Variants in EMB observed in about 807,000 individuals in gnomAD.
The protein encoded by EMB is embigin homolog.
A neutral mutation model predicts 41.4 loss-of-function variants in EMB; 31 were observed. That is an observed-to-expected ratio of 0.75 (90% confidence interval 0.56 to 1.01). The LOEUF (loss-of-function observed/expected upper bound fraction) is 1.01, where lower values mean the gene tolerates loss of function less well. Among genes scored for constraint, EMB ranks in the 50% least tolerant of loss-of-function variants. The probability of loss-of-function intolerance (pLI) is 0.00; values close to 1 mark genes in which losing one functional copy is unlikely to be tolerated. For synonymous variants in EMB, 137 were observed against 140.4 expected, an observed-to-expected ratio of 0.98 and a Z score of 0.17; for missense variants, 379 against 388.3, an observed-to-expected ratio of 0.98 and a Z score of 0.20.
chr5:50,435,491 A>C (rs764538892), intron 1 of EMB, among the ~76,000 whole-genome samples: 1 of 152,100 alleles, frequency 6.6e-6, no homozygotes, highest in Non-Finnish European at 1.5e-5. Flanking sequence ...ACTTTTCCAT[A>C]ACCTTGACAC....
intron 1 of EMB, among the ~76,000 whole-genome samples, chr5:50,440,533 C>CAAAAAAAAAAA (rs70972912): frequency 5.0e-5 from 3 of 60,054 alleles, no homozygotes; most frequent in African/African-American, 2.1e-4. Flanking sequence ...AACTCCGTCT[C>CAAAAAAAAAAA]AAAAAAAAAA....
chr5:50,441,053 GTC>G lies in EMB; in HGVS notation c.97_98del (p.Asp33ArgfsTer21). ...TACCCATCACACCTGGGGCACTGCC[GTC>G]CGCCGAGCTTGGGCGCGCGGCAGCG... ...LLAAARPSSA[D>X]GSAPDSPFTS... On this transcript the variant is annotated frameshift_variant, in exon 1 of 9. Coordinates refer to ENST00000303221, the MANE Select transcript of EMB (RefSeq NM_198449.3). LOFTEE classifies it high-confidence loss of function. 2.0e-6 allele frequency: 3 copies of G among 1,508,240 alleles called. No individual in the cohort carries two copies. The highest frequency in any genetic ancestry group is 2.7e-6 in the Non-Finnish European group (3 of 1,128,806). The allele number at this position is 1,508,240 out of a possible 1,614,324, so 93.4% of individuals were successfully genotyped here. A position where few individuals can be genotyped will look rare whatever the true frequency, so the allele number is the denominator to read the frequency against.
At chr5:50,437,614 CT>C (rs1463849890) in intron 1 of EMB, among the ~76,000 whole-genome samples, 3 of 151,068 alleles carry the variant, frequency 2.0e-5, no homozygotes, top group Non-Finnish European at 4.5e-5. Flanking sequence ...GTGGGAACCC[CT>C]TTAAATGTCC....
At chr5:50,422,636 G>A (rs1745543220) in intron 2 of EMB, among the ~76,000 whole-genome samples, 1 of 152,102 alleles carries the variant, frequency 6.6e-6, no homozygotes. Context: ...GGGTTAAAAA[G>A]TGAAAGGTGG....
intron 2 of EMB, among the ~76,000 whole-genome samples, chr5:50,416,916 T>C (rs748580112): frequency 2.6e-5 from 4 of 152,150 alleles, no homozygotes; most frequent in African/African-American, 7.2e-5. Context: ...TCTGAATACC[T>C]TGTCCCTTAA....
At chr5:50,418,818 A>G (rs1745469544) in intron 2 of EMB, among the ~76,000 whole-genome samples, 1 of 152,138 alleles carries the variant, frequency 6.6e-6, no homozygotes, top group Non-Finnish European at 1.5e-5. Flanking sequence ...GCTAGCCAAA[A>G]TCCTTTATTC....
intron 2 of EMB, among the ~76,000 whole-genome samples, chr5:50,423,615 T>C (rs1481175720): frequency 6.6e-6 from 1 of 152,174 alleles, no homozygotes; most frequent in Non-Finnish European, 1.5e-5. Flanking sequence ...ACAGCAGGGA[T>C]TATGTCACCA....
chr5:50,438,600 G>T (rs1006849088), intron 1 of EMB, among the ~76,000 whole-genome samples: 1 of 152,076 alleles, frequency 6.6e-6, no homozygotes, highest in Non-Finnish European at 1.5e-5. Context: ...AAGTATGTAG[G>T]CCTATACATC....
In EMB at chr5:50,439,520, C is replaced by T. The variant is rs533276664; in HGVS notation, c.112+1520G>A. On this transcript the variant is annotated intron_variant, in intron 1 of 8. Coordinates refer to ENST00000303221, the MANE Select transcript of EMB (RefSeq NM_198449.3). ...TTTTTTTTTTTTAATAAAGAAGGGA[C>T]CTTGCTATGTTGCCCGGGGTGGTCT... is the stretch of plus-strand genomic sequence containing the variant. Among the ~76,000 whole-genome samples the T allele has an allele frequency of 1.3e-4, 19 of 149,544 alleles. No homozygotes were observed. The South Asian group carries it at 4.0e-3, about 32-fold the overall frequency.
At position 50,396,903 on chromosome 5, in the gene EMB, CAGA is replaced by C. The variant is rs1166438259; in HGVS notation, c.*2367_*2369del. 2 of 151,994 alleles carry C rather than the reference CAGA, an allele frequency of 1.3e-5. No individual in the cohort carries two copies. The highest frequency in any genetic ancestry group is 1.3e-4 in the Admixed American group (2 of 15,238). 9.4% of individuals were successfully genotyped at this position (151,994 alleles called of 1,614,324 possible). ...CATGACCCATAAGTATTAATTAATA[CAGA>C]AGAAGAAAATATCAGAATGAGTTCT... On this transcript the variant is annotated 3_prime_UTR_variant, in exon 9 of 9. Transcript: ENST00000303221.
intron 2 of EMB, among the ~76,000 whole-genome samples, chr5:50,416,548 T>C (rs1383199387): frequency 6.6e-6 from 1 of 152,212 alleles, no homozygotes; most frequent in East Asian, 1.9e-4. Context: ...AATTAAAATT[T>C]ATTGCATAGG....
At chr5:50,438,186 T>G (rs935884488) in intron 1 of EMB, among the ~76,000 whole-genome samples, 2 of 152,206 alleles carry the variant, frequency 1.3e-5, no homozygotes, top group African/African-American at 4.8e-5. Context: ...ATGCCAAATT[T>G]CCTGCTCTGC....
chr5:50,442,442 G>T (rs950076370), upstream of EMB, among the ~76,000 whole-genome samples: 9 of 152,002 alleles, frequency 5.9e-5, no homozygotes, highest in Admixed American at 3.9e-4. Context: ...TTATCTACCA[G>T]GTGCCAATCT....
chr5:50,442,746 A>G (rs754066161), upstream of EMB, among the ~76,000 whole-genome samples: 6 of 152,094 alleles, frequency 3.9e-5, no homozygotes, highest in African/African-American at 9.7e-5. Context: ...CTTTCTTTCA[A>G]CCCTGCATCT....
intron 2 of EMB, among the ~76,000 whole-genome samples, chr5:50,425,963 C>A (rs1437762481): frequency 6.6e-6 from 1 of 152,104 alleles, no homozygotes; most frequent in Non-Finnish European, 1.5e-5. Context: ...GGATTGCAGG[C>A]AGCAAATGCA....
intron 1 of EMB, among the ~76,000 whole-genome samples, chr5:50,433,450 T>C (rs774175731): frequency 6.6e-6 from 1 of 152,214 alleles, no homozygotes; most frequent in African/African-American, 2.4e-5. Flanking sequence ...CAGTAACTTA[T>C]GCCAAATAAA....
intron 7 of EMB, among the ~76,000 whole-genome samples, chr5:50,400,648 G>C (rs1745146563): frequency 6.6e-6 from 1 of 151,944 alleles, no homozygotes; most frequent in East Asian, 1.9e-4. Context: ...TCATTGTTCT[G>C]AATGATTTCA....
Position 50,414,758 on chromosome 5 carries a change from T to C in EMB, c.197-3375A>G, listed in dbSNP as rs188591727. 1.2e-4 allele frequency among the ~76,000 whole-genome samples: 19 copies of C among 152,280 alleles called. No homozygotes were observed. In the East Asian group the frequency reaches 3.7e-3, roughly 29 times the overall value. The stretch of plus-strand genomic sequence containing the variant: ...AAAATAATATTTGATGTCTCTAGAA[T>C]ACATATATTGCCAGAGACTACCTTA... On this transcript the variant is annotated intron_variant, in intron 2 of 8. Transcript: ENST00000303221.
chr5:50,430,337 T>C (rs1745696395), intron 1 of EMB, among the ~76,000 whole-genome samples: 1 of 152,236 alleles, frequency 6.6e-6, no homozygotes, highest in Non-Finnish European at 1.5e-5. Context: ...GTTCTTATTA[T>C]ACTCTTTATC....
Sources: gnomAD v4.1 joint callset for allele counts (sites outside exome capture counted in the v4.1 genomes callset) on GRCh38, gnomAD v4.1.1 for gene constraint, MANE v1.5 for transcripts, NCBI Gene and HGNC (gene_info 2026-07-23, HGNC 2026-07-21) for gene names.